The following DEK variants were observed in gnomAD, a reference collection of about 807,000 sequenced individuals.
DEK encodes the protein protein DEK.
In DEK, 28 loss-of-function variants were observed where a neutral mutation model predicts 46.8. The observed-to-expected ratio is 0.60, with a 90% CI of 0.44 to 0.82. The LOEUF is 0.82. DEK is among the 40% of genes least tolerant of loss of function. The probability of loss-of-function intolerance (pLI) is 0.00; values close to 1 mark genes in which losing one functional copy is unlikely to be tolerated. For synonymous variants in DEK, 160 were observed against 144.5 expected (o/e 1.11, Z -0.77); for missense variants, 416 against 430.6 (o/e 0.97, Z 0.30).
chr6:18,263,737 T>A, intron 2 of DEK, 106 bp downstream of exon 2: 1 of 1,595,842 alleles, frequency 6.3e-7, no homozygotes, highest in Non-Finnish European at 8.5e-7. Context: ...TCACTCCGAC[T>A]TCACGCCTCT....
chr6:18,249,557 A>C lies in DEK; in HGVS notation c.762+94T>G, dbSNP rs957960243. ...TGCATCTTCAGAATTAAAAACAACC[A>C]ATAAGGAAGTGTTTTCTGGCTGTAC... On this transcript the variant is annotated intron_variant, in intron 7 of 10. Coordinates refer to ENST00000652689, the MANE Select transcript of DEK (RefSeq NM_003472.4). 8.5e-6 allele frequency: 12 copies of C among 1,404,848 alleles called. 1 individual carries two copies. The African/African-American group carries it at 1.6e-4, about 19-fold the overall frequency. The allele number at this position is 1,404,848 out of a possible 1,614,324, so 87.0% of individuals were successfully genotyped here. A position where few individuals can be genotyped will look rare whatever the true frequency, so the allele number is the denominator to read the frequency against.
At chr6:18,235,755 T>C (rs140760818) in intron 9 of DEK, among the ~76,000 whole-genome samples, 62 of 152,278 alleles carry the variant, frequency 4.1e-4, no homozygotes, top group African/African-American at 1.3e-3. Flanking sequence ...TATCAAAGTG[T>C]TGGGATTACA....
Position 18,255,742 on chromosome 6 carries a change from G to A in DEK, c.562C>T (p.Pro188Ser). The A allele has an allele frequency of 1.2e-6, 2 of 1,605,728 alleles. No individual in the cohort carries two copies. Among genetic ancestry groups the A allele is most frequent in the Non-Finnish European group, 1.7e-6 (2 of 1,177,886 alleles). ...AAATTGATCCTCACTTTGCCAGAAGGCTTTGGATGCATTAAGAAATTCAAG... is the reference window on the plus strand; with the variant it reads ...AAATTGATCCTCACTTTGCCAGAAGACTTTGGATGCATTAAGAAATTCAAG... The part of the protein sequence containing the change: ...RILNFLMHPK[P>S]SGKPLPKSKK... Residue 188 changes from proline (P) to serine (S), a missense_variant, in exon 6 of 11, where the codon CCT (proline) becomes TCT (serine). Coordinates refer to ENST00000652689, the MANE Select transcript of DEK (RefSeq NM_003472.4).
intron 6 of DEK, among the ~76,000 whole-genome samples, chr6:18,252,297 C>A (rs1408484815): frequency 6.6e-6 from 1 of 151,988 alleles, no homozygotes; most frequent in East Asian, 1.9e-4. Flanking sequence ...ATCACATGAG[C>A]TCAGGAGTTT....
At chr6:18,236,392 G>C in intron 9 of DEK, 60 bp downstream of exon 9, 1 of 1,556,002 alleles carries the variant, frequency 6.4e-7, no homozygotes, top group Non-Finnish European at 8.7e-7. Context: ...TTCAAATTCA[G>C]AGATAAGTGA....
At chr6:18,231,716 T>C (rs1028064306) in intron 9 of DEK, among the ~76,000 whole-genome samples, 1 of 152,212 alleles carries the variant, frequency 6.6e-6, no homozygotes, top group African/African-American at 2.4e-5. Context: ...ATTGAGGCAA[T>C]AATTAACAGC....
At chr6:18,228,862 C>G (rs1042069268) in intron 9 of DEK, among the ~76,000 whole-genome samples, 21 of 152,218 alleles carry the variant, frequency 1.4e-4, no homozygotes, top group African/African-American at 5.1e-4. Context: ...GAGTTGTAAA[C>G]AAAGCTGCGA....
chr6:18,262,376 G>A lies in DEK; in HGVS notation c.145+1467C>T, dbSNP rs62397061. Among the ~76,000 whole-genome samples, 1,000 of 150,772 alleles carry A rather than the reference G, an allele frequency of 6.6e-3. 8 individuals carry two copies. Among genetic ancestry groups the A allele is most frequent in the Non-Finnish European group, 9.5e-3 (645 of 67,906 alleles). ...CTCAGTTCTAAAGTTAAATATTCAG[G>A]GTTAAGTAAAATAAAAACTTTCACA... On this transcript the variant is annotated intron_variant, in intron 2 of 10. Transcript: ENST00000652689.
intron 3 of DEK, 43 bp downstream of exon 3, chr6:18,258,261 G>A (rs1161399363): frequency 6.6e-7 from 1 of 1,507,700 alleles, no homozygotes; most frequent in African/African-American, 1.4e-5. Context: ...CACAAATTTA[G>A]GCACTTTCAC....
At chr6:18,234,193 G>A (rs1180191457) in intron 9 of DEK, among the ~76,000 whole-genome samples, 1 of 148,484 alleles carries the variant, frequency 6.7e-6, no homozygotes, top group Non-Finnish European at 1.5e-5. Flanking sequence ...GTTGTGGGGT[G>A]GGGGGGACGG....
Position 18,263,897 on chromosome 6 carries a change from CCT to C in DEK, c.89_90del (p.Glu30GlyfsTer60). 1 of 1,612,882 alleles carries C rather than the reference CCT, an allele frequency of 6.2e-7. No individual in the cohort carries two copies. The highest frequency in any genetic ancestry group is 8.5e-7 in the Non-Finnish European group (1 of 1,179,438). ...TCCTCGTCCTCTTCCTCCTCGCTCT[CCT>C]CTCTGGGACCGGGCATTTCGGGTTC... ...EKEPEMPGPREESEEEEDEDD... is the reference protein window; with the variant it reads ...EKEPEMPGPRXESEEEEDEDD... On this transcript the variant is annotated frameshift_variant, in exon 2 of 11. Transcript: ENST00000652689. LOFTEE classifies it high-confidence loss of function.
intron 2 of DEK, among the ~76,000 whole-genome samples, chr6:18,261,237 A>G (rs1005802009): frequency 1.4e-4 from 22 of 152,068 alleles, no homozygotes; most frequent in Admixed American, 5.2e-4. Context: ...GTAAAAGGAG[A>G]TAATTTTGGA....
At chr6:18,250,330 G>T (rs1211611507) in intron 6 of DEK, among the ~76,000 whole-genome samples, 1 of 152,052 alleles carries the variant, frequency 6.6e-6, no homozygotes, top group Non-Finnish European at 1.5e-5. Context: ...TTAGCCGGGC[G>T]TGGTGGCGGG....
chr6:18,231,783 G>A (rs1445563372), intron 9 of DEK, among the ~76,000 whole-genome samples: 2 of 152,150 alleles, frequency 1.3e-5, no homozygotes, highest in East Asian at 1.9e-4. Flanking sequence ...TCTACCAGAC[G>A]TACAAGGAGG....
intron 6 of DEK, among the ~76,000 whole-genome samples, chr6:18,251,212 CTT>C (rs1791362413): frequency 6.6e-6 from 1 of 152,062 alleles, no homozygotes; most frequent in African/African-American, 2.4e-5. Flanking sequence ...TTATTTCTAC[CTT>C]TGTTACTTTA....
intron 9 of DEK, among the ~76,000 whole-genome samples, chr6:18,233,366 T>C (rs1790494986): frequency 6.6e-6 from 1 of 152,054 alleles, no homozygotes; most frequent in Admixed American, 6.5e-5. Flanking sequence ...CTAATTAAAC[T>C]AAAGAGGTTC....
intron 7 of DEK, among the ~76,000 whole-genome samples, chr6:18,246,934 A>T (rs960062815): frequency 3.9e-5 from 6 of 152,242 alleles, no homozygotes; most frequent in African/African-American, 1.4e-4. Context: ...AAATAAACAG[A>T]ATATTAACTC....
chr6:18,253,081 C>A (rs994868659), intron 6 of DEK, among the ~76,000 whole-genome samples: 1 of 151,872 alleles, frequency 6.6e-6, no homozygotes, highest in African/African-American at 2.4e-5. Flanking sequence ...ACGCTCCAAG[C>A]TCCTTTTTCA....
At chr6:18,258,272 C>T (rs1055806048) in intron 3 of DEK, 32 bp downstream of exon 3, 1 of 1,567,698 alleles carries the variant, frequency 6.4e-7, no homozygotes, top group Non-Finnish European at 8.7e-7. Flanking sequence ...GCACTTTCAC[C>T]ACAAAATGAA....
Sources: gnomAD v4.1 joint callset for allele counts (sites outside exome capture counted in the v4.1 genomes callset) on GRCh38, gnomAD v4.1.1 for gene constraint, MANE v1.5 for transcripts, NCBI Gene and HGNC (gene_info 2026-07-23, HGNC 2026-07-21) for gene names.